The following CCDC57 variants were observed in gnomAD, a reference collection of about 807,000 sequenced individuals.
The protein encoded by CCDC57 is coiled-coil domain-containing protein 57.
A neutral mutation model predicts 118.9 loss-of-function variants in CCDC57; 118 were observed. The ratio of observed to expected loss-of-function variants is 0.99; its 90% CI spans 0.86 to 1.16. The LOEUF is 1.16. Among genes scored for constraint, CCDC57 ranks in the 50% most tolerant of loss-of-function variants. CCDC57 has a pLI of 0.00. For synonymous variants in CCDC57, 527 were observed against 532.9 expected (o/e 0.99, Z 0.15); for missense variants, 1,300 against 1,320.7 (o/e 0.98, Z 0.24).
chr17:82,147,646 T>G (rs1598897128), intron 16 of CCDC57, among the ~76,000 whole-genome samples: 1 of 124,448 alleles, frequency 8.0e-6, no homozygotes, highest in Non-Finnish European at 1.7e-5. Context: ...GATGGATGGG[T>G]GGATGGATAC....
At chr17:82,184,343 T>C (rs2046675240) in intron 8 of CCDC57, among the ~76,000 whole-genome samples, 1 of 152,130 alleles carries the variant, frequency 6.6e-6, no homozygotes, top group Non-Finnish European at 1.5e-5. Context: ...GTCCTCGCCA[T>C]GCCTAGCACA....
intron 16 of CCDC57, among the ~76,000 whole-genome samples, chr17:82,141,543 T>G (rs993309041): frequency 3.9e-5 from 6 of 152,154 alleles, no homozygotes; most frequent in African/African-American, 7.2e-5. Flanking sequence ...TACGGAAACT[T>G]CTAAGAAAGC....
intron 12 of CCDC57, 130 bp from the exon 12 acceptor site, chr17:82,171,983 A>G: frequency 1.1e-6 from 1 of 909,650 alleles, no homozygotes; most frequent in African/African-American, 1.6e-5. Context: ...TCCTCCTCAC[A>G]CTACAGCTTC....
At chr17:82,112,450 T>C (rs2035340917) in intron 19 of CCDC57, 1 of 152,402 alleles carries the variant, frequency 6.6e-6, no homozygotes, top group African/African-American at 2.4e-5. Context: ...GTGTGCGAGG[T>C]CTGGAAGTTG....
At chr17:82,136,577 T>C (rs1346600356) in intron 16 of CCDC57, among the ~76,000 whole-genome samples, 1 of 109,518 alleles carries the variant, frequency 9.1e-6, no homozygotes, top group South Asian at 3.5e-4. Context: ...ATATGTATAG[T>C]ACCAAAAAAA....
At chr17:82,170,125 G>A (rs543766951) in intron 13 of CCDC57, among the ~76,000 whole-genome samples, 6 of 152,304 alleles carry the variant, frequency 3.9e-5, no homozygotes, top group South Asian at 2.1e-4. Flanking sequence ...CTCTCACCCC[G>A]AACATGACTG....
Position 82,172,249 on chromosome 17 carries a change from C to T in CCDC57, c.1729+389G>A, listed in dbSNP as rs1007442510. 3.9e-5 allele frequency among the ~76,000 whole-genome samples: 6 copies of T among 152,180 alleles called. No individual in the cohort carries two copies. The highest frequency in any genetic ancestry group is 7.2e-5 in the African/African-American group (3 of 41,436). On this transcript the variant is annotated intron_variant, in intron 12 of 19. Coordinates refer to ENST00000665763, the Ensembl canonical transcript of CCDC57. This position sits in a 1 kb window ranked among gnomAD's most constrained non-coding sequence, Gnocchi z 5.2. ...AGCCACTCATGGGGTCCCTGGGGGT[C>T]GGGAGGCCCTCATCAGCTCTGCCAC...
At chr17:82,205,286 T>G (rs917940513) in intron 2 of CCDC57, among the ~76,000 whole-genome samples, 3 of 152,216 alleles carry the variant, frequency 2.0e-5, no homozygotes, top group Non-Finnish European at 2.9e-5. Flanking sequence ...TCTGAGGGAC[T>G]GCTGTGGCCC....
At chr17:82,149,722 C>T (rs935096250) in intron 16 of CCDC57, among the ~76,000 whole-genome samples, 8 of 152,050 alleles carry the variant, frequency 5.3e-5, no homozygotes, top group Middle Eastern at 3.4e-3. Flanking sequence ...TGACCCCAGG[C>T]GCACACCCAG....
At chr17:82,128,705 G>T in intron 17 of CCDC57, 108 bp from the exon 17 acceptor site, 1 of 884,242 alleles carries the variant, frequency 1.1e-6, no homozygotes, top group Non-Finnish European at 1.8e-6. Context: ...CACATTTCTG[G>T]TATTAAAGAC....
At chr17:82,187,094 G>A (rs945437257) in intron 8 of CCDC57, among the ~76,000 whole-genome samples, 1 of 151,602 alleles carries the variant, frequency 6.6e-6, no homozygotes, top group African/African-American at 2.4e-5. Context: ...AAAATTAGCC[G>A]GGCATAGTGG....
At chr17:82,156,605 T>C (rs1265936716) in intron 15 of CCDC57, 2 of 152,158 alleles carry the variant, frequency 1.3e-5, no homozygotes, top group African/African-American at 4.8e-5. Context: ...TGGAGACCCC[T>C]GAGGACAAGA....
intron 16 of CCDC57, among the ~76,000 whole-genome samples, chr17:82,140,155 G>C (rs1163820606): frequency 6.6e-6 from 1 of 151,922 alleles, no homozygotes; most frequent in Non-Finnish European, 1.5e-5. Flanking sequence ...GCGCAATCTC[G>C]GCTCACTGCA....
At chr17:82,137,592 T>C (rs1213696928) in intron 16 of CCDC57, among the ~76,000 whole-genome samples, 1 of 152,182 alleles carries the variant, frequency 6.6e-6, no homozygotes, top group Non-Finnish European at 1.5e-5. Flanking sequence ...CCATGAGTCT[T>C]AATGTTCAAA....
Position 82,101,652 on chromosome 17 carries a change from C to T in CCDC57, c.*30G>A, listed in dbSNP as rs766595236. ...GGCACCATGCGGAGGCCCCGAGCAC[C>T]CCTTAGTGGGGCGGGGTGGGGGGAG... On this transcript the variant is annotated 3_prime_UTR_variant, in exon 20 of 20. Transcript: ENST00000665763. The T allele has an allele frequency of 1.9e-6, 3 of 1,563,956 alleles. No homozygotes were observed. The South Asian group carries it at 3.5e-5, about 18-fold the overall frequency.
At chr17:82,191,121 TAAAAAATA>T (rs552188645) in intron 7 of CCDC57, among the ~76,000 whole-genome samples, 1,664 of 114,778 alleles carry the variant, frequency 0.014, 28 homozygotes, top group African/African-American at 0.05. Flanking sequence ...AAATAAAAAA[TAAAAAATA>T]AAAAAAAAGG....
At position 82,107,368 on chromosome 17, in the gene CCDC57, CGGGAGTG is replaced by C. The variant is rs57014466; in HGVS notation, c.2900-5509_2900-5503del. 962 of 452,258 alleles carry C rather than the reference CGGGAGTG, an allele frequency of 2.1e-3. 4 individuals are homozygous for C. Among genetic ancestry groups the C allele is most frequent in the African/African-American group, 0.016 (768 of 49,488 alleles). 28.0% of individuals were successfully genotyped at this position (452,258 alleles called of 1,614,324 possible). ...GCACCCGGGTGGGGCACAGATGCCG[CGGGAGTG>C]GGGAGTGGGGAGTGGCTGCCTCGAA... On this transcript the variant is annotated intron_variant, in intron 19 of 19. Coordinates refer to ENST00000665763, the Ensembl canonical transcript of CCDC57.
chr17:82,166,596 TC>T (rs1249114054), intron 13 of CCDC57, among the ~76,000 whole-genome samples: 1 of 151,912 alleles, frequency 6.6e-6, no homozygotes, highest in Non-Finnish European at 1.5e-5. Flanking sequence ...AAATGAAAGT[TC>T]CAGTAAAGTA....
chr17:82,127,906 T>C, exon 19 of CCDC57: 2 of 1,611,974 alleles, frequency 1.2e-6, no homozygotes, highest in Non-Finnish European at 1.7e-6. Context: ...TGCTGTGTTG[T>C]GTCTAGAAAA....
Sources: gnomAD v4.1 joint callset for allele counts (sites outside exome capture counted in the v4.1 genomes callset) on GRCh38, gnomAD v4.1.1 for gene constraint, Gnocchi (gnomAD v3.1) non-coding constraint, MANE v1.5 for transcripts, NCBI Gene and HGNC (gene_info 2026-07-23, HGNC 2026-07-21) for gene names.